The following TMEM50B variants were observed in gnomAD, a reference collection of about 807,000 sequenced individuals.
TMEM50B encodes transmembrane protein 50B.
Under a neutral mutation model 23.4 loss-of-function variants are expected in TMEM50B, and 14 were observed. The observed-to-expected ratio is 0.60, with a 90% CI of 0.39 to 0.93. The LOEUF (loss-of-function observed/expected upper bound fraction) is 0.93. TMEM50B is among the 40% of genes least tolerant of loss of function. TMEM50B has a pLI of 0.00. For missense variants in TMEM50B, 159 were observed against 193.0 expected (o/e 0.82, Z 1.04); for synonymous variants, 64 against 62.3 (o/e 1.03, Z -0.13).
Position 33,449,458 on chromosome 21 carries a change from C to CA in TMEM50B, c.*1359dup, listed in dbSNP as rs2084097125. The CA allele has an allele frequency of 6.6e-6, 1 of 152,584 alleles. No individual in the cohort carries two copies. The highest frequency in any genetic ancestry group is 6.5e-5 in the Admixed American group (1 of 15,276). 9.5% of individuals were successfully genotyped at this position (152,584 alleles called of 1,614,324 possible). A position where few individuals can be genotyped will look rare whatever the true frequency, so the allele number is the denominator to read the frequency against. On this transcript the variant is annotated 3_prime_UTR_variant, in exon 7 of 7. Transcript: ENST00000542230. ...ACCCCTCTGGAGAAAAAGTGCAACA[C>CA]AAAATCTGTGTAACAAAGGAAAGCA... is the stretch of plus-strand genomic sequence containing the variant.
At chr21:33,471,188 TA>T (rs1189872073) in intron 1 of TMEM50B, among the ~76,000 whole-genome samples, 2 of 152,132 alleles carry the variant, frequency 1.3e-5, no homozygotes, top group Non-Finnish European at 2.9e-5. Flanking sequence ...GGAGGATCAG[TA>T]AACACCTTGG....
intron 4 of TMEM50B, among the ~76,000 whole-genome samples, chr21:33,462,375 A>G (rs1303914513): frequency 2.0e-5 from 3 of 152,230 alleles, no homozygotes; most frequent in African/African-American, 7.2e-5. Flanking sequence ...TAGAATAGGG[A>G]ATATCATAGA....
chr21:33,457,623 C>A (rs547035204), intron 5 of TMEM50B, among the ~76,000 whole-genome samples: 2 of 147,802 alleles, frequency 1.4e-5, no homozygotes, highest in African/African-American at 5.0e-5. Context: ...TGCACTCCAG[C>A]CTGGGCGACA....
chr21:33,463,027 C>T (rs148171658), intron 4 of TMEM50B, among the ~76,000 whole-genome samples: 46 of 152,344 alleles, frequency 3.0e-4, no homozygotes, highest in Middle Eastern at 3.4e-3. Context: ...CATGGTGGTT[C>T]ATGCCTGTAA....
At position 33,468,814 on chromosome 21, in the gene TMEM50B, A is replaced by G; in HGVS notation, c.72T>C (p.Ala24=). 6.2e-7 allele frequency: 1 copy of G among 1,614,038 alleles called. No individual in the cohort carries two copies. Among genetic ancestry groups the G allele is most frequent in the Non-Finnish European group, 8.5e-7 (1 of 1,179,972 alleles). ...ATATACCTGCGACAACAGATGCCACAGCATTTCTTCTCTCACTCCAGTCAA... is the reference window on the plus strand; with the variant it reads ...ATATACCTGCGACAACAGATGCCACGGCATTTCTTCTCTCACTCCAGTCAA... ...ECIDWSERRN[A]VASVVAGILF... The change falls in exon 2 of 7, where the codon GCT becomes GCC. Residue 24 remains alanine, a synonymous_variant. Coordinates refer to ENST00000542230, the MANE Select transcript of TMEM50B (RefSeq NM_006134.7).
intron 8 of TMEM50B, among the ~76,000 whole-genome samples, chr21:33,435,892 A>AG (rs2083942399): frequency 6.7e-6 from 1 of 150,092 alleles, no homozygotes; most frequent in South Asian, 2.1e-4. Context: ...CAAAAAAAAA[A>AG]AAAAAAAAAA....
Position 33,450,855 on chromosome 21 carries a change from A to G in TMEM50B, c.440T>C (p.Ile147Thr). The part of the protein sequence containing the change: ...QNALIFFSTL[I>T]YKFGRTEELW... ...CTCTTCGGTTCTTCCAAATTTGTAG[A>G]TCAGAGTGCTAGAAAGATAGGAAAA... Residue 147 changes from isoleucine (I) to threonine (T), a missense_variant, in exon 7 of 7, where the codon ATC (isoleucine) becomes ACC (threonine). Transcript: ENST00000542230. The G allele has an allele frequency of 6.2e-7, 1 of 1,613,274 alleles. No individual in the cohort carries two copies. Among genetic ancestry groups the G allele is most frequent in the Non-Finnish European group, 8.5e-7 (1 of 1,179,594 alleles).
chr21:33,477,430 GAACA>G (rs140656122), intron 1 of TMEM50B, among the ~76,000 whole-genome samples: 1,597 of 152,246 alleles, frequency 0.01, 13 homozygotes, highest in Non-Finnish European at 0.017. Flanking sequence ...TGTAAAGAGT[GAACA>G]AACAAGGAAT....
intron 8 of TMEM50B, chr21:33,436,761 A>G (rs2083957905): frequency 3.1e-6 from 4 of 1,272,556 alleles, no homozygotes; most frequent in South Asian, 2.7e-5. Flanking sequence ...AACAAAAACT[A>G]AAGTTAAAAG....
chr21:33,470,238 G>A (rs1333159855), intron 1 of TMEM50B, among the ~76,000 whole-genome samples: 4 of 151,676 alleles, frequency 2.6e-5, no homozygotes, highest in African/African-American at 9.7e-5. Flanking sequence ...TCAGGAGGCC[G>A]AGGCGGGTGG....
chr21:33,460,345 A>G (rs1263365473), intron 5 of TMEM50B, 68 bp downstream of exon 5: 1 of 949,948 alleles, frequency 1.1e-6, no homozygotes, highest in African/African-American at 1.6e-5. Flanking sequence ...TACTCAAGGT[A>G]GAGTAAGCCA....
At chr21:33,478,123 A>G in intron 1 of TMEM50B, among the ~76,000 whole-genome samples, 1 of 151,850 alleles carries the variant, frequency 6.6e-6, no homozygotes, top group Non-Finnish European at 1.5e-5. Context: ...AGACAGAGCA[A>G]GACTCTGTCT....
intron 1 of TMEM50B, among the ~76,000 whole-genome samples, chr21:33,478,053 T>A (rs1455573599): frequency 6.6e-6 from 1 of 151,332 alleles, no homozygotes; most frequent in Admixed American, 6.6e-5. Context: ...GAGAATGGCG[T>A]GAACCCAGGA....
At chr21:33,443,487 G>A (rs4816455) in intron 7 of TMEM50B, among the ~76,000 whole-genome samples, 88,938 of 151,990 alleles carry the variant, frequency 0.59, 28,053 homozygotes, top group East Asian at 0.83. Context: ...TAGTAGTCCT[G>A]ATACGTAAGC....
At chr21:33,465,028 T>C in intron 4 of TMEM50B, 1 of 237,026 alleles carries the variant, frequency 4.2e-6, no homozygotes, top group Non-Finnish European at 8.1e-6. Flanking sequence ...TAGTCAGCCA[T>C]CTTGTAAGTA....
Position 33,449,216 on chromosome 21 carries a change from ATG to A in TMEM50B, c.*1600_*1601del. On this transcript the variant is annotated 3_prime_UTR_variant, in exon 7 of 7. Transcript: ENST00000542230. ...ATTAGTCTTACAATTTGCTAGAAGC[ATG>A]ACAGAGCTTACTAACATTTTGAAGA... is the stretch of plus-strand genomic sequence containing the variant. 6.6e-6 allele frequency: 1 copy of A among 152,346 alleles called. No homozygotes were observed. 9.4% of individuals were successfully genotyped at this position (152,346 alleles called of 1,614,324 possible).
intron 8 of TMEM50B, among the ~76,000 whole-genome samples, chr21:33,433,708 T>C (rs1446015837): frequency 3.3e-5 from 5 of 152,166 alleles, no homozygotes; most frequent in Admixed American, 3.3e-4. Context: ...ACAATGTGAA[T>C]GTGCTTGGCA....
chr21:33,463,674 TGATAGCTTGAGGCCAGGTG>T (rs991434419), intron 4 of TMEM50B, among the ~76,000 whole-genome samples: 6 of 152,136 alleles, frequency 3.9e-5, no homozygotes, highest in African/African-American at 1.2e-4. Context: ...TTTGGGAGGC[TGATAGCTTGAGGCCAGGTG>T]GATAGCTTGA....
intron 1 of TMEM50B, among the ~76,000 whole-genome samples, chr21:33,470,985 G>A (rs979766384): frequency 1.3e-5 from 2 of 152,034 alleles, no homozygotes; most frequent in African/African-American, 4.8e-5. Flanking sequence ...GAGTCCCCTT[G>A]GCACAAAGTG....
Sources: allele counts gnomAD v4.1 joint callset (sites outside exome capture counted in the v4.1 genomes callset), GRCh38; gene constraint gnomAD v4.1.1; transcripts MANE v1.5; gene names NCBI Gene and HGNC (gene_info 2026-07-23, HGNC 2026-07-21).